MOB3B: variants seen among roughly 807,000 people sequenced by gnomAD.
MOB3B encodes MOB kinase activator-like 2B.
Under a neutral mutation model 18.7 loss-of-function variants are expected in MOB3B, and 7 were observed. The ratio of observed to expected loss-of-function variants is 0.37; its 90% CI spans 0.21 to 0.70. The LOEUF is 0.70. Ranked by LOEUF, MOB3B falls within the 30% of genes least tolerant of loss-of-function variation. The pLI, the probability that MOB3B is intolerant of heterozygous loss-of-function variation, is 0.52. For missense variants in MOB3B, 253 were observed against 281.3 expected (o/e 0.90, Z 0.72); for synonymous variants, 111 against 99.9 (o/e 1.11, Z -0.66).
intron 2 of MOB3B, among the ~76,000 whole-genome samples, chr9:27,375,808 T>G (rs1358127094): frequency 3.3e-5 from 5 of 152,240 alleles, no homozygotes; most frequent in African/African-American, 1.2e-4. Flanking sequence ...CATTGGGACC[T>G]TAATTAACAA....
chr9:27,349,231 T>G (rs1393186906), intron 3 of MOB3B, among the ~76,000 whole-genome samples: 1 of 152,272 alleles, frequency 6.6e-6, no homozygotes, highest in African/African-American at 2.4e-5. Context: ...CTGACCTTTA[T>G]GTATAAAATT....
chr9:27,380,536 C>T (rs1271671770), intron 2 of MOB3B, among the ~76,000 whole-genome samples: 1 of 152,134 alleles, frequency 6.6e-6, no homozygotes, highest in Non-Finnish European at 1.5e-5. Context: ...CACGCCCCGC[C>T]AAGAGATAGG....
At chr9:27,338,190 C>A (rs1176343148) in intron 3 of MOB3B, among the ~76,000 whole-genome samples, 1 of 152,200 alleles carries the variant, frequency 6.6e-6, no homozygotes, top group Non-Finnish European at 1.5e-5. Flanking sequence ...CTTGCATACA[C>A]CTTGCTTCTG....
At chr9:27,439,842 G>T (rs1432045402) in intron 2 of MOB3B, among the ~76,000 whole-genome samples, 1 of 152,136 alleles carries the variant, frequency 6.6e-6, no homozygotes, top group Non-Finnish European at 1.5e-5. Flanking sequence ...ACCTTTATAA[G>T]CTGTGACCTG....
chr9:27,501,611 G>A (rs1819992317), intron 1 of MOB3B, among the ~76,000 whole-genome samples: 1 of 132,050 alleles, frequency 7.6e-6, no homozygotes, highest in East Asian at 2.7e-4. Context: ...GGGGTGGGGG[G>A]TGGGGGGAAG....
intron 1 of MOB3B, among the ~76,000 whole-genome samples, chr9:27,524,146 G>A (rs4879538): frequency 0.013 from 810 of 63,924 alleles, 26 homozygotes; most frequent in Admixed American, 0.12. Context: ...ATAGTCACCC[G>A]AAGTAAAAAA....
chr9:27,459,139 C>T (rs963589753), intron 1 of MOB3B, among the ~76,000 whole-genome samples: 2 of 152,118 alleles, frequency 1.3e-5, no homozygotes, highest in Non-Finnish European at 2.9e-5. Context: ...CATATTGGCG[C>T]AGGTACCTGA....
At chr9:27,343,897 A>G (rs1479795011) in intron 3 of MOB3B, among the ~76,000 whole-genome samples, 3 of 152,120 alleles carry the variant, frequency 2.0e-5, no homozygotes, top group Non-Finnish European at 1.5e-5. Context: ...TCACTTGCAA[A>G]TCCTAAAGAC....
At chr9:27,469,789 C>T (rs562655906) in intron 1 of MOB3B, among the ~76,000 whole-genome samples, 1 of 152,176 alleles carries the variant, frequency 6.6e-6, no homozygotes, top group Admixed American at 6.5e-5. Context: ...TCAAAACTTC[C>T]CCCCTCCCTT....
intron 3 of MOB3B, among the ~76,000 whole-genome samples, chr9:27,355,577 TGAGAC>T (rs1821177798): frequency 7.4e-6 from 1 of 135,560 alleles, no homozygotes. Flanking sequence ...TTTTTTTTTT[TGAGAC>T]GGAGTCTCGC....
At chr9:27,381,235 G>T (rs925626824) in intron 2 of MOB3B, among the ~76,000 whole-genome samples, 3 of 151,904 alleles carry the variant, frequency 2.0e-5, no homozygotes, top group Non-Finnish European at 4.4e-5. Context: ...GAAAAATCCT[G>T]GCCTAGGTAA....
intron 3 of MOB3B, 73 bp from the exon 4 acceptor site, chr9:27,330,689 A>T: frequency 6.2e-7 from 1 of 1,602,440 alleles, no homozygotes; most frequent in South Asian, 1.1e-5. Context: ...GGATCCTGAA[A>T]ATGCTCTTGG....
At chr9:27,516,375 C>A (rs991420421) in intron 1 of MOB3B, among the ~76,000 whole-genome samples, 6 of 152,192 alleles carry the variant, frequency 3.9e-5, no homozygotes, top group Non-Finnish European at 7.3e-5. Context: ...CACATACATG[C>A]CTGGCAGTAA....
chr9:27,476,438 T>A (rs938751327), intron 1 of MOB3B, among the ~76,000 whole-genome samples: 1 of 152,228 alleles, frequency 6.6e-6, no homozygotes, highest in Non-Finnish European at 1.5e-5. Flanking sequence ...TCACAAGTTA[T>A]CCTTCCTGTG....
intron 3 of MOB3B, among the ~76,000 whole-genome samples, chr9:27,348,044 T>C (rs1306995638): frequency 2.0e-5 from 3 of 152,154 alleles, no homozygotes; most frequent in Non-Finnish European, 4.4e-5. Flanking sequence ...GGTGGAGTGG[T>C]GGAGGGCAAG....
At chr9:27,526,092 T>G (rs1288333345) in intron 1 of MOB3B, 1 of 152,236 alleles carries the variant, frequency 6.6e-6, no homozygotes, top group Non-Finnish European at 1.5e-5. Flanking sequence ...GAAATGTACC[T>G]GGTTCTGCCC....
intron 1 of MOB3B, among the ~76,000 whole-genome samples, chr9:27,490,013 T>C (rs747431131): frequency 1.3e-5 from 2 of 152,180 alleles, no homozygotes; most frequent in Non-Finnish European, 2.9e-5. Context: ...GTGCCTCTTT[T>C]GCCCACTGTT....
intron 2 of MOB3B, among the ~76,000 whole-genome samples, chr9:27,377,655 G>T (rs1403635664): frequency 6.6e-6 from 1 of 152,190 alleles, no homozygotes; most frequent in Non-Finnish European, 1.5e-5. Context: ...ATACAAATCT[G>T]ACCACACTTT....
intron 1 of MOB3B, among the ~76,000 whole-genome samples, chr9:27,469,332 C>T (rs1030035578): frequency 2.4e-4 from 37 of 152,086 alleles, no homozygotes. Flanking sequence ...GAAAACTCAA[C>T]TTCTGTGACT....
Sources: allele counts gnomAD v4.1 joint callset (sites outside exome capture counted in the v4.1 genomes callset), GRCh38; gene constraint gnomAD v4.1.1; transcripts MANE v1.5; gene names NCBI Gene and HGNC (gene_info 2026-07-23, HGNC 2026-07-21).